Variants in PIK3CA observed in about 807,000 individuals in gnomAD.
PIK3CA encodes the protein phosphatidylinositol 4,5-bisphosphate 3-kinase catalytic subunit alpha isoform.
In PIK3CA, 27 loss-of-function variants were observed where a neutral mutation model predicts 138.2. That is an observed-to-expected ratio of 0.20 (90% CI 0.14 to 0.27). The LOEUF (loss-of-function observed/expected upper bound fraction) is 0.27. PIK3CA is among the 10% of genes least tolerant of loss of function. The pLI is 1.00. For synonymous variants in PIK3CA, 358 were observed against 413.2 expected, an observed-to-expected ratio of 0.87 and a Z score of 1.62; for missense variants, 544 against 1,277.4, an observed-to-expected ratio of 0.43 and a Z score of 8.75.
In PIK3CA at chr3:179,234,547, GCA is replaced by G; in HGVS notation, c.*185_*186del. On this transcript the variant is annotated 3_prime_UTR_variant, in exon 21 of 21. Transcript: ENST00000263967. The surrounding 1 kb of genome is among the most constrained non-coding windows in gnomAD (Gnocchi z 5.1). ...ATGTAAACGCAAACAGGGTTTGATA[GCA>G]CTTAAACTAGTTCATTTCAAAATTA... 2.3e-6 allele frequency: 1 copy of G among 433,418 alleles called. No homozygotes were observed. The highest frequency in any genetic ancestry group is 4.0e-6 in the Non-Finnish European group (1 of 248,986). 26.8% of individuals were successfully genotyped at this position (433,418 alleles called of 1,614,324 possible). A position where few individuals can be genotyped will look rare whatever the true frequency, so the allele number is the denominator to read the frequency against.
intron 1 of PIK3CA, among the ~76,000 whole-genome samples, chr3:179,191,202 CT>C (rs904832784): frequency 1.6e-4 from 25 of 152,244 alleles, no homozygotes; most frequent in Non-Finnish European, 1.3e-4. Flanking sequence ...TCTGATGCTG[CT>C]TTTTTAGTTC....
chr3:179,228,827 TC>T (rs1200416405), intron 17 of PIK3CA, among the ~76,000 whole-genome samples: 4 of 152,118 alleles, frequency 2.6e-5, no homozygotes, highest in African/African-American at 9.7e-5. Flanking sequence ...ATTTCTAATA[TC>T]ATTAGATGTA....
rs1311641999 is a variant in PIK3CA, at chr3:179,236,479, G to A, written c.*2115G>A. Reference sequence around the variant, plus strand: ...TTTCAATATCAGGGTTAAATTATAGGAAAACTCAGTAAAATGGTACAAATC... The same window carrying A: ...TTTCAATATCAGGGTTAAATTATAGAAAAACTCAGTAAAATGGTACAAATC... On this transcript the variant is annotated 3_prime_UTR_variant, in exon 21 of 21. Coordinates refer to ENST00000263967, the MANE Select transcript of PIK3CA (RefSeq NM_006218.4). 4.6e-6 allele frequency: 1 copy of A among 218,212 alleles called. No individual in the cohort carries two copies. The highest frequency in any genetic ancestry group is 9.3e-6 in the Non-Finnish European group (1 of 107,542). 13.5% of individuals were successfully genotyped at this position (218,212 alleles called of 1,614,324 possible). A position where few individuals can be genotyped will look rare whatever the true frequency, so the allele number is the denominator to read the frequency against.
At chr3:179,197,466 AGT>A (rs1312028250) in intron 1 of PIK3CA, among the ~76,000 whole-genome samples, 1 of 152,178 alleles carries the variant, frequency 6.6e-6, no homozygotes, top group Admixed American at 6.5e-5. Context: ...CTGTTTTGTA[AGT>A]GTGAATGTAA....
At position 179,219,001 on chromosome 3, in the gene PIK3CA, A is replaced by G. The variant is rs1275135722; in HGVS notation, c.1665-195A>G. ...TTTTCCTTTTGTGTTCTTTGCCATT[A>G]TAACTGTGCCTAAGTATATATGTAA... is the stretch of plus-strand genomic sequence containing the variant. On this transcript the variant is annotated intron_variant, in intron 10 of 20. Transcript: ENST00000263967. This position sits in a 1 kb window ranked among gnomAD's most constrained non-coding sequence, Gnocchi z 4.2. 6.6e-6 allele frequency among the ~76,000 whole-genome samples: 1 copy of G among 152,046 alleles called. No individual in the cohort carries two copies. Among genetic ancestry groups the G allele is most frequent in the Non-Finnish European group, 1.5e-5 (1 of 67,922 alleles).
chr3:179,157,996 C>T (rs1723181987), intron 1 of PIK3CA, among the ~76,000 whole-genome samples: 2 of 152,048 alleles, frequency 1.3e-5, no homozygotes, highest in African/African-American at 2.4e-5. Flanking sequence ...ATAGTAAGCA[C>T]TCAGTAAGTA....
intron 1 of PIK3CA, among the ~76,000 whole-genome samples, chr3:179,191,337 A>C (rs1340289735): frequency 1.3e-5 from 2 of 152,224 alleles, no homozygotes. Flanking sequence ...CTCTATCCAA[A>C]AATGAGAGTG....
rs529379996 is a variant in PIK3CA at position 179,174,418 on chromosome 3, C to G, written c.-76-24332C>G. Among the ~76,000 whole-genome samples, 55 of 152,216 alleles carry G rather than the reference C, an allele frequency of 3.6e-4. No homozygotes were observed. The South Asian group carries it at 0.011, about 30-fold the overall frequency. On this transcript the variant is annotated intron_variant, in intron 1 of 20. Coordinates refer to ENST00000263967, the MANE Select transcript of PIK3CA (RefSeq NM_006218.4). ...CTGGGAGGCGGAGGTTGCAGTGAGC[C>G]GAGATTGTGCCACTGCACTCTCTAG...
chr3:179,200,875 A>G (rs943037080), intron 3 of PIK3CA, among the ~76,000 whole-genome samples: 2 of 152,096 alleles, frequency 1.3e-5, no homozygotes, highest in Non-Finnish European at 2.9e-5. Flanking sequence ...CTGTCATTCT[A>G]ATTGAACATC....
At chr3:179,211,382 C>T (rs908110929) in intron 9 of PIK3CA, among the ~76,000 whole-genome samples, 3 of 152,082 alleles carry the variant, frequency 2.0e-5, no homozygotes, top group Non-Finnish European at 4.4e-5. Flanking sequence ...ACTTAAAATG[C>T]TATGTAGGCT....
At chr3:179,223,408 A>G (rs1345635671) in intron 14 of PIK3CA, among the ~76,000 whole-genome samples, 3 of 152,168 alleles carry the variant, frequency 2.0e-5, no homozygotes, top group Admixed American at 6.6e-5. Context: ...TTAAAAAGGG[A>G]TATTGTTTTG....
At chr3:179,232,599 G>T (rs950564078) in intron 20 of PIK3CA, among the ~76,000 whole-genome samples, 1 of 151,772 alleles carries the variant, frequency 6.6e-6, no homozygotes, top group African/African-American at 2.4e-5. Context: ...CTTTTTGGTC[G>T]GTTTTATATG....
chr3:179,159,111 T>C (rs1443833357), intron 1 of PIK3CA, among the ~76,000 whole-genome samples: 7 of 152,230 alleles, frequency 4.6e-5, no homozygotes, highest in Non-Finnish European at 8.8e-5. Context: ...TCAGAAATTA[T>C]CTGCGATTTT....
In PIK3CA at chr3:179,219,132, A is replaced by T. The variant is rs2108409458; in HGVS notation, c.1665-64A>T. 1 of 928,970 alleles carries T rather than the reference A, an allele frequency of 1.1e-6. No individual in the cohort carries two copies. The highest frequency in any genetic ancestry group is 1.7e-6 in the Non-Finnish European group (1 of 576,938). 57.5% of individuals were successfully genotyped at this position (928,970 alleles called of 1,614,324 possible). ...TTAAGAAGATTCATATGGAGAAGTT[A>T]GACATGTCAACCTTTTGAACAGCAT... On this transcript the variant is annotated intron_variant, in intron 10 of 20. Coordinates refer to ENST00000263967, the MANE Select transcript of PIK3CA (RefSeq NM_006218.4). The surrounding 1 kb of genome is among the most constrained non-coding windows in gnomAD (Gnocchi z 4.2).
At position 179,207,982 on chromosome 3, in the gene PIK3CA, C is replaced by T. The variant is rs191105052; in HGVS notation, c.1146-1613C>T. Among the ~76,000 whole-genome samples, 195 of 152,178 alleles carry T rather than the reference C, an allele frequency of 1.3e-3. 1 individual carries two copies. Among genetic ancestry groups the T allele is most frequent in the African/African-American group, 4.4e-3 (182 of 41,536 alleles). ...AGAGGATCACTTGAGCCCAGGAGTTCGAAGCTATAATGCACTTTGGTCATG... is the reference window on the plus strand; with the variant it reads ...AGAGGATCACTTGAGCCCAGGAGTTTGAAGCTATAATGCACTTTGGTCATG... On this transcript the variant is annotated intron_variant, in intron 6 of 20. Coordinates refer to ENST00000263967, the MANE Select transcript of PIK3CA (RefSeq NM_006218.4).
At chr3:179,203,812 A>C in intron 5 of PIK3CA, 23 bp downstream of exon 5, 1 of 1,531,050 alleles carries the variant, frequency 6.5e-7, no homozygotes. Context: ...GCTGATGCTT[A>C]TTATTTTATA....
chr3:179,163,032 A>G (rs1057262020), intron 1 of PIK3CA, among the ~76,000 whole-genome samples: 6 of 152,178 alleles, frequency 3.9e-5, no homozygotes, highest in Admixed American at 1.3e-4. Flanking sequence ...AGAGTTGAAT[A>G]CTGGCATACA....
At chr3:179,225,484 CAT>C (rs72370042) in intron 16 of PIK3CA, among the ~76,000 whole-genome samples, 15,583 of 152,098 alleles carry the variant, frequency 0.1, 1,226 homozygotes, top group African/African-American at 0.22. Flanking sequence ...TTAATATAAA[CAT>C]GTGTTCAAAT....
intron 1 of PIK3CA, among the ~76,000 whole-genome samples, chr3:179,194,245 A>G (rs1054172069): frequency 1.3e-5 from 2 of 151,962 alleles, no homozygotes; most frequent in African/African-American, 4.8e-5. Flanking sequence ...TTTTTTGGAG[A>G]CAGGGTCTTG....
Sources: gnomAD v4.1 joint callset for allele counts (sites outside exome capture counted in the v4.1 genomes callset) on GRCh38, gnomAD v4.1.1 for gene constraint, Gnocchi (gnomAD v3.1) non-coding constraint, MANE v1.5 for transcripts, NCBI Gene and HGNC (gene_info 2026-07-23, HGNC 2026-07-21) for gene names.